Variants in PRAG1 observed in about 807,000 individuals in gnomAD.
The protein encoded by PRAG1 is inactive tyrosine-protein kinase PRAG1.
In PRAG1, 110 loss-of-function variants were observed where a neutral mutation model predicts 95.6. The observed-to-expected ratio is 1.15, with a 90% CI of 0.99 to 1.35. The LOEUF (loss-of-function observed/expected upper bound fraction) is 1.35. Among genes scored for constraint, PRAG1 ranks in the 40% most tolerant of loss-of-function variants. PRAG1 has a pLI of 0.00. For missense variants in PRAG1, 2,554 were observed against 1,864.7 expected (o/e 1.37, Z -6.81); for synonymous variants, 1,052 against 819.4 (o/e 1.28, Z -4.85).
At position 8,327,264 on chromosome 8, in the gene PRAG1, C is replaced by G. The variant is rs541729035; in HGVS notation, c.3072+446G>C. ...AGAGAGAGAGTGAAGCTGCTGAGCACTAAGTGTTAAAAGAATGCTTAGGGG... is the reference window on the plus strand; with the variant it reads ...AGAGAGAGAGTGAAGCTGCTGAGCAGTAAGTGTTAAAAGAATGCTTAGGGG... On this transcript the variant is annotated intron_variant, in intron 5 of 5. Coordinates refer to ENST00000615670, the MANE Select transcript of PRAG1 (RefSeq NM_001080826.3). Among the ~76,000 whole-genome samples the G allele has an allele frequency of 1.6e-4, 25 of 152,268 alleles. No homozygotes were observed. In the South Asian group the frequency reaches 1.9e-3, roughly 11 times the overall value.
chr8:8,328,789 C>T (rs1270956690), intron 4 of PRAG1, among the ~76,000 whole-genome samples: 1 of 152,206 alleles, frequency 6.6e-6, no homozygotes, highest in Admixed American at 6.5e-5. Context: ...CACACACACA[C>T]ACACACACAC....
intron 3 of PRAG1, among the ~76,000 whole-genome samples, chr8:8,344,118 T>C (rs1379538887): frequency 6.6e-6 from 1 of 152,180 alleles, no homozygotes. Context: ...ACTAACCACA[T>C]TTTAAGCTAG....
intron 5 of PRAG1, among the ~76,000 whole-genome samples, chr8:8,320,530 C>T (rs1798440207): frequency 6.6e-6 from 1 of 152,212 alleles, no homozygotes; most frequent in African/African-American, 2.4e-5. Flanking sequence ...AGGCCTCAAT[C>T]TCCCTGTCAT....
chr8:8,373,085 G>A (rs764958060), intron 3 of PRAG1, among the ~76,000 whole-genome samples: 14 of 152,124 alleles, frequency 9.2e-5, no homozygotes, highest in Non-Finnish European at 1.8e-4. Flanking sequence ...GACCTTTCAC[G>A]TTCTTCCATT....
At chr8:8,350,589 G>A (rs1174485502) in intron 3 of PRAG1, among the ~76,000 whole-genome samples, 2 of 152,202 alleles carry the variant, frequency 1.3e-5, no homozygotes, top group African/African-American at 4.8e-5. Context: ...AGGAGCTACT[G>A]GGAAGAACAA....
chr8:8,372,876 T>C (rs1202423380), intron 3 of PRAG1, among the ~76,000 whole-genome samples: 1 of 152,192 alleles, frequency 6.6e-6, no homozygotes, highest in Non-Finnish European at 1.5e-5. Context: ...CGTTCTTCCA[T>C]AATGACCTAA....
intron 4 of PRAG1, 63 bp downstream of exon 4, chr8:8,339,415 C>T (rs775544942): frequency 2.7e-5 from 42 of 1,562,294 alleles, no homozygotes; most frequent in Middle Eastern, 4.5e-4. Flanking sequence ...CCGCAAGCAA[C>T]GCAGGACTGG....
chr8:8,340,065 A>C (rs1297849990), intron 3 of PRAG1, among the ~76,000 whole-genome samples: 1 of 152,242 alleles, frequency 6.6e-6, no homozygotes, highest in Non-Finnish European at 1.5e-5. Context: ...ATGAATTGCA[A>C]ACTAGGCCTT....
chr8:8,374,827 G>A (rs556132523), intron 3 of PRAG1: 67 of 317,022 alleles, frequency 2.1e-4, no homozygotes, highest in African/African-American at 1.3e-3. Flanking sequence ...CTGAGACGCC[G>A]TGATGTTCAA....
chr8:8,378,392 G>A (rs970544968), intron 2 of PRAG1, among the ~76,000 whole-genome samples: 2 of 152,212 alleles, frequency 1.3e-5, no homozygotes, highest in Admixed American at 6.5e-5. Flanking sequence ...AAAGAACACT[G>A]TGCCTTCTTC....
Position 8,339,617 on chromosome 8 carries a change from G to T in PRAG1, c.2181C>A (p.Asn727Lys), listed in dbSNP as rs370105515. Reference sequence around the variant, plus strand: ...CTTTTTCCAAATCAGAGCTGCTCTTGTTCATTTTTAGAAGGTGCCTGGAAA... The same window carrying T: ...CTTTTTCCAAATCAGAGCTGCTCTTTTTCATTTTTAGAAGGTGCCTGGAAA... The part of the protein sequence containing the change: ...PPKSRHLLKM[N>K]KSSSDLEKVS... Residue 727 changes from asparagine to lysine, a missense_variant, in exon 4 of 6, where the codon AAC becomes AAA. Asn to Lys is a moderately conservative substitution (Grantham distance 94, BLOSUM62 0). Transcript: ENST00000615670. 14 of 1,612,158 alleles carry T rather than the reference G, an allele frequency of 8.7e-6. No individual in the cohort carries two copies. The highest frequency in any genetic ancestry group is 1.2e-5 in the Non-Finnish European group (14 of 1,178,334).
At chr8:8,329,768 T>A (rs963725286) in intron 4 of PRAG1, among the ~76,000 whole-genome samples, 3 of 152,160 alleles carry the variant, frequency 2.0e-5, no homozygotes, top group Non-Finnish European at 2.9e-5. Context: ...GCAAGCCACA[T>A]AGATCAAGAC....
At chr8:8,321,482 G>A (rs1472067258) in intron 5 of PRAG1, among the ~76,000 whole-genome samples, 2 of 152,174 alleles carry the variant, frequency 1.3e-5, no homozygotes, top group Non-Finnish European at 2.9e-5. Flanking sequence ...AAAGCATCTT[G>A]CATATACGCT....
intron 2 of PRAG1, 69 bp from the exon 3 acceptor site, chr8:8,378,147 G>C: frequency 6.7e-7 from 1 of 1,487,678 alleles, no homozygotes; most frequent in Non-Finnish European, 8.9e-7. Flanking sequence ...GAGAGGAAAA[G>C]TGAGAGGGAA....
intron 3 of PRAG1, among the ~76,000 whole-genome samples, chr8:8,354,061 G>C (rs1449369338): frequency 1.3e-5 from 2 of 151,248 alleles, no homozygotes; most frequent in Non-Finnish European, 3.0e-5. Flanking sequence ...AGAAAATAAG[G>C]AAAGAAGACT....
chr8:8,366,744 C>T (rs1215000759), intron 3 of PRAG1, among the ~76,000 whole-genome samples: 1 of 152,026 alleles, frequency 6.6e-6, no homozygotes, highest in Non-Finnish European at 1.5e-5. Flanking sequence ...AGTGGTGTTA[C>T]CATGGCTGAC....
intron 3 of PRAG1, among the ~76,000 whole-genome samples, chr8:8,347,874 C>A (rs1275315154): frequency 6.9e-6 from 1 of 145,044 alleles, no homozygotes; most frequent in African/African-American, 2.8e-5. Flanking sequence ...TGGAGTGCAG[C>A]GGCATGATCT....
At chr8:8,326,215 C>T (rs1364033470) in intron 5 of PRAG1, among the ~76,000 whole-genome samples, 1 of 147,446 alleles carries the variant, frequency 6.8e-6, no homozygotes, top group Non-Finnish European at 1.5e-5. Flanking sequence ...CTATTAATTA[C>T]AACTACTATA....
chr8:8,335,761 C>A (rs1798965586), intron 4 of PRAG1, among the ~76,000 whole-genome samples: 1 of 151,752 alleles, frequency 6.6e-6, no homozygotes, highest in Admixed American at 6.6e-5. Flanking sequence ...TCGCTGCCTT[C>A]TGACCAGTAG....
Sources: gnomAD v4.1 joint callset for allele counts (sites outside exome capture counted in the v4.1 genomes callset) on GRCh38, gnomAD v4.1.1 for gene constraint, MANE v1.5 for transcripts, NCBI Gene and HGNC (gene_info 2026-07-23, HGNC 2026-07-21) for gene names.